Variants in SLC10A7 observed in about 807,000 individuals in gnomAD.
SLC10A7 encodes the protein solute carrier family 10 member 7.
Under a neutral mutation model 43.2 loss-of-function variants are expected in SLC10A7, and 29 were observed. That is an observed-to-expected ratio of 0.67 (90% confidence interval 0.50 to 0.92). The LOEUF is 0.92. Among genes scored for constraint, SLC10A7 ranks in the 40% least tolerant of loss-of-function variants. The pLI, the probability that SLC10A7 is intolerant of heterozygous loss-of-function variation, is 0.00. For missense variants in SLC10A7, 295 were observed against 403.2 expected (o/e 0.73, Z 2.30); for synonymous variants, 152 against 144.8 (o/e 1.05, Z -0.35).
chr4:146,512,999 G>A (rs1262124853), intron 2 of SLC10A7, among the ~76,000 whole-genome samples: 1 of 152,038 alleles, frequency 6.6e-6, no homozygotes, highest in Non-Finnish European at 1.5e-5. Context: ...ATAAGTTAAG[G>A]TGCCAAAGAG....
intron 6 of SLC10A7, among the ~76,000 whole-genome samples, chr4:146,325,042 T>C (rs1355259508): frequency 6.6e-6 from 1 of 152,204 alleles, no homozygotes; most frequent in Non-Finnish European, 1.5e-5. Flanking sequence ...ATGAAGTCCC[T>C]CATTCTATTA....
chr4:146,364,161 T>C (rs1442418385), intron 5 of SLC10A7, among the ~76,000 whole-genome samples: 3 of 151,908 alleles, frequency 2.0e-5, no homozygotes, highest in African/African-American at 4.8e-5. Context: ...AAAGGTTACA[T>C]TACCACTGAA....
intron 5 of SLC10A7, among the ~76,000 whole-genome samples, chr4:146,337,610 T>C (rs1334819110): frequency 2.6e-5 from 4 of 152,164 alleles, no homozygotes; most frequent in Admixed American, 2.0e-4. Context: ...GTATATTATG[T>C]ACTAGGAACT....
intron 5 of SLC10A7, among the ~76,000 whole-genome samples, chr4:146,437,557 C>A (rs749041308): frequency 1.3e-5 from 2 of 151,958 alleles, no homozygotes; most frequent in Non-Finnish European, 2.9e-5. Flanking sequence ...AACTAAGATC[C>A]CAAGTGAATA....
chr4:146,506,692 C>G (rs1472659433), intron 3 of SLC10A7, among the ~76,000 whole-genome samples: 1 of 152,094 alleles, frequency 6.6e-6, no homozygotes, highest in African/African-American at 2.4e-5. Flanking sequence ...CATTGTAGTT[C>G]ATTCAAATTT....
intron 4 of SLC10A7, among the ~76,000 whole-genome samples, chr4:146,446,826 C>A (rs1731141320): frequency 6.6e-6 from 1 of 151,918 alleles, no homozygotes; most frequent in Admixed American, 6.6e-5. Context: ...AAATCAGGCC[C>A]TTGAATCCAC....
At chr4:146,432,614 A>T (rs1395624971) in intron 5 of SLC10A7, among the ~76,000 whole-genome samples, 1 of 152,214 alleles carries the variant, frequency 6.6e-6, no homozygotes, top group African/African-American at 2.4e-5. Context: ...AATTGACTCC[A>T]AAGGGCAAGA....
chr4:146,259,316 C>T (rs777590176), intron 10 of SLC10A7, among the ~76,000 whole-genome samples: 22 of 152,182 alleles, frequency 1.4e-4, no homozygotes, highest in Non-Finnish European at 3.1e-4. Flanking sequence ...GTATACACTG[C>T]TATAAGTAGG....
intron 5 of SLC10A7, among the ~76,000 whole-genome samples, chr4:146,364,179 A>G (rs1307255179): frequency 2.0e-5 from 3 of 152,044 alleles, no homozygotes; most frequent in Admixed American, 6.6e-5. Context: ...GAAATCACAG[A>G]AATCTGAAGG....
At chr4:146,413,452 A>G (rs768051659) in intron 5 of SLC10A7, among the ~76,000 whole-genome samples, 45 of 152,294 alleles carry the variant, frequency 3.0e-4, no homozygotes, top group Admixed American at 3.3e-4. Context: ...ACCTACCAAC[A>G]TAGACTCATA....
chr4:146,290,000 A>T (rs1350581796), intron 9 of SLC10A7, among the ~76,000 whole-genome samples: 1 of 147,394 alleles, frequency 6.8e-6, no homozygotes, highest in Non-Finnish European at 1.5e-5. Context: ...AGGCGTGAGC[A>T]ACCACACCCA....
intron 5 of SLC10A7, among the ~76,000 whole-genome samples, chr4:146,441,360 T>C (rs1226841686): frequency 6.6e-6 from 1 of 152,226 alleles, no homozygotes; most frequent in Non-Finnish European, 1.5e-5. Context: ...TCTCAAACTA[T>C]ATTTAATAAG....
chr4:146,389,316 A>T (rs1738246547), intron 5 of SLC10A7, among the ~76,000 whole-genome samples: 1 of 52,304 alleles, frequency 1.9e-5, no homozygotes, highest in Non-Finnish European at 3.1e-5. Flanking sequence ...GTCTACAAAA[A>T]TAAAAAAAAA....
chr4:146,435,771 GA>G (rs754632418), intron 5 of SLC10A7, among the ~76,000 whole-genome samples: 1 of 152,014 alleles, frequency 6.6e-6, no homozygotes, highest in African/African-American at 2.4e-5. Context: ...TCAAATTAAG[GA>G]AATTTAATTT....
chr4:146,438,973 G>A (rs1295342463), intron 5 of SLC10A7, among the ~76,000 whole-genome samples: 1 of 151,738 alleles, frequency 6.6e-6, no homozygotes, highest in South Asian at 2.1e-4. Flanking sequence ...AGTTATTCAG[G>A]GTGCTCGACT....
rs138513378 is a variant in SLC10A7, at chr4:146,500,924, A to AT, written c.396+2924dup. Among the ~76,000 whole-genome samples, 1,073 of 152,326 alleles carry AT rather than the reference A, an allele frequency of 7.0e-3. 9 individuals carry two copies. The highest frequency in any genetic ancestry group is 0.025 in the African/African-American group (1,038 of 41,562). On this transcript the variant is annotated intron_variant, in intron 4 of 11. Coordinates refer to ENST00000335472, the MANE Select transcript of SLC10A7 (RefSeq NM_001029998.6). ...CTTCAGAATTTACCTTACACAACTT[A>AT]TATCAGCATTATTTTACACAGTGAA...
At chr4:146,442,383 T>G in intron 5 of SLC10A7, 1 of 1,004,914 alleles carries the variant, frequency 1.0e-6, no homozygotes, top group Non-Finnish European at 1.2e-6. Flanking sequence ...ATAAATGGCA[T>G]GTCAACAAGT....
chr4:146,391,954 TA>T (rs1054025396), intron 5 of SLC10A7, among the ~76,000 whole-genome samples: 1 of 152,188 alleles, frequency 6.6e-6, no homozygotes, highest in African/African-American at 2.4e-5. Flanking sequence ...GTCTCAGGAA[TA>T]AAAGAGATAA....
chr4:146,489,781 C>T (rs1560958620), intron 4 of SLC10A7, among the ~76,000 whole-genome samples: 1 of 152,284 alleles, frequency 6.6e-6, no homozygotes, highest in Non-Finnish European at 1.5e-5. Flanking sequence ...TGAGACAGGG[C>T]TTTTCCCACT....
Sources: gnomAD v4.1 joint callset for allele counts (sites outside exome capture counted in the v4.1 genomes callset) on GRCh38, gnomAD v4.1.1 for gene constraint, MANE v1.5 for transcripts, NCBI Gene and HGNC (gene_info 2026-07-23, HGNC 2026-07-21) for gene names.